The following MRO variants were observed in gnomAD, a reference collection of about 807,000 sequenced individuals.
The protein encoded by MRO is maestro, also known as protein maestro.
Under a neutral mutation model 31.0 loss-of-function variants are expected in MRO, and 28 were observed. The observed-to-expected ratio is 0.90, with a 90% CI of 0.67 to 1.24. The LOEUF is 1.24. Ranked by LOEUF, MRO falls within the 50% of genes most tolerant of loss-of-function variation. MRO has a pLI of 0.00. For missense variants in MRO, 332 were observed against 289.2 expected, an observed-to-expected ratio of 1.15 and a Z score of -1.07; for synonymous variants, 108 against 108.4, an observed-to-expected ratio of 1.00 and a Z score of 0.02.
At chr18:50,811,899 G>T (rs1914509778) in intron 2 of MRO, among the ~76,000 whole-genome samples, 1 of 151,884 alleles carries the variant, frequency 6.6e-6, no homozygotes, top group Non-Finnish European at 1.5e-5. Context: ...ACGCCACCAT[G>T]CCTGGATAAT....
intron 7 of MRO, 104 bp from the exon 8 acceptor site, chr18:50,799,494 G>A (rs1913085007): frequency 1.1e-6 from 1 of 941,046 alleles, no homozygotes; most frequent in African/African-American, 1.6e-5. Flanking sequence ...GGATAAGCAG[G>A]AGAGGTGGAG....
At chr18:50,811,430 T>C (rs796788657) in intron 2 of MRO, among the ~76,000 whole-genome samples, 114 of 152,356 alleles carry the variant, frequency 7.5e-4, no homozygotes, top group African/African-American at 2.6e-3. Flanking sequence ...TTCTGAATAT[T>C]TCACATATAT....
chr18:50,816,769 C>A (rs1323367842), intron 2 of MRO, among the ~76,000 whole-genome samples: 1 of 152,120 alleles, frequency 6.6e-6, no homozygotes, highest in Non-Finnish European at 1.5e-5. Flanking sequence ...ATGAAAAAAT[C>A]TCAAATTTCA....
intron 2 of MRO, chr18:50,814,637 C>T (rs1914752997): frequency 4.7e-6 from 1 of 212,382 alleles, no homozygotes; most frequent in Non-Finnish European, 1.0e-5. Flanking sequence ...ACAGCTGTCT[C>T]TAGAGAGGGT....
intron 2 of MRO, among the ~76,000 whole-genome samples, chr18:50,817,363 A>G (rs1027144506): frequency 6.6e-6 from 1 of 152,074 alleles, no homozygotes. Flanking sequence ...AGGTGGGTGC[A>G]GTGGCTCACA....
At chr18:50,818,443 C>T (rs59020990) in intron 2 of MRO, among the ~76,000 whole-genome samples, 308 of 152,278 alleles carry the variant, frequency 2.0e-3, no homozygotes, top group African/African-American at 7.3e-3. Flanking sequence ...TTGGTTTTCA[C>T]GAACCCCAAG....
chr18:50,809,898 A>C (rs1469151967), intron 2 of MRO, among the ~76,000 whole-genome samples: 2 of 152,226 alleles, frequency 1.3e-5, no homozygotes, highest in Admixed American at 6.5e-5. Flanking sequence ...AGATATACAC[A>C]AAGGATAGCC....
intron 5 of MRO, among the ~76,000 whole-genome samples, chr18:50,804,504 T>TAGTCCC (rs1913714575): frequency 6.6e-6 from 1 of 152,060 alleles, no homozygotes; most frequent in Non-Finnish European, 1.5e-5. Context: ...CATGTGCCTA[T>TAGTCCC]AGTCCCAGCT....
chr18:50,819,190 C>A (rs1411780912), intron 2 of MRO, among the ~76,000 whole-genome samples: 1 of 152,152 alleles, frequency 6.6e-6, no homozygotes, highest in East Asian at 1.9e-4. Context: ...TGAAAGATAT[C>A]CTTTCAGTCA....
chr18:50,817,864 T>A (rs1915057206), intron 2 of MRO, among the ~76,000 whole-genome samples: 1 of 152,146 alleles, frequency 6.6e-6, no homozygotes, highest in Admixed American at 6.5e-5. Context: ...TTATGCAACT[T>A]TTCTAGGATG....
upstream of MRO, among the ~76,000 whole-genome samples, chr18:50,820,934 A>T (rs1225532179): frequency 6.6e-6 from 1 of 152,212 alleles, no homozygotes; most frequent in East Asian, 1.9e-4. Flanking sequence ...AATAAGAAGA[A>T]TGAGGCTAAA....
At position 50,819,726 on chromosome 18, in the gene MRO, G is replaced by A. The variant is rs900014791; in HGVS notation, c.-126-24C>T. The A allele has an allele frequency of 1.9e-6, 3 of 1,547,912 alleles. No homozygotes were observed. The African/African-American group carries it at 4.1e-5, about 21-fold the overall frequency. ...TCCTAACATACAAGAAGGGAAATTA[G>A]GAGGTGACGCAGGGTCTGTCCAGGA... On this transcript the variant is annotated intron_variant, in intron 1 of 7. Coordinates refer to ENST00000398439, the MANE Select transcript of MRO (RefSeq NM_031939.6).
At chr18:50,813,274 T>A (rs1167767388) in intron 2 of MRO, among the ~76,000 whole-genome samples, 1 of 152,182 alleles carries the variant, frequency 6.6e-6, no homozygotes, top group Non-Finnish European at 1.5e-5. Context: ...ACAGGAATCT[T>A]CTCACCACTG....
upstream of MRO, among the ~76,000 whole-genome samples, chr18:50,822,253 G>A (rs1312988721): frequency 4.1e-5 from 3 of 73,324 alleles, no homozygotes; most frequent in Admixed American, 2.5e-4. Context: ...AGGGCAACAG[G>A]CAAAGCTAAA....
At chr18:50,803,384 G>A (rs57019075) in intron 5 of MRO, among the ~76,000 whole-genome samples, 45,842 of 151,710 alleles carry the variant, frequency 0.3, 7,190 homozygotes, top group Middle Eastern at 0.36. Context: ...GCATGCACTT[G>A]TGGTCCCAGC....
At chr18:50,813,989 AT>A (rs1469833089) in intron 2 of MRO, among the ~76,000 whole-genome samples, 2 of 152,146 alleles carry the variant, frequency 1.3e-5, no homozygotes, top group Non-Finnish European at 2.9e-5. Flanking sequence ...TGAAACTAAA[AT>A]AAAATTTAAA....
At chr18:50,806,952 C>A in intron 3 of MRO, 102 bp from the exon 4 acceptor site, 2 of 1,166,672 alleles carry the variant, frequency 1.7e-6, no homozygotes, top group Non-Finnish European at 1.2e-6. Flanking sequence ...ATTGCCTGCT[C>A]AATTTTACCC....
At chr18:50,806,559 C>G (rs1032828483) in intron 4 of MRO, 145 bp downstream of exon 4, 4 of 973,504 alleles carry the variant, frequency 4.1e-6, no homozygotes, top group Non-Finnish European at 6.1e-6. Flanking sequence ...ACACGTGTTG[C>G]TGTAAGCTGC....
chr18:50,819,571 T>C lies in MRO; in HGVS notation c.-5+10A>G, dbSNP rs1421879031. ...TGCATCTGGCTGCCCCGGCCAACAG[T>C]GTCCCTTACCTGCGGCTCCTGCAGG... On this transcript the variant is annotated intron_variant, in intron 2 of 7. Coordinates refer to ENST00000398439, the MANE Select transcript of MRO (RefSeq NM_031939.6). The C allele has an allele frequency of 5.8e-6, 9 of 1,551,416 alleles. No homozygotes were observed. Among genetic ancestry groups the C allele is most frequent in the Non-Finnish European group, 7.8e-6 (9 of 1,146,940 alleles).
Sources: allele counts gnomAD v4.1 joint callset (sites outside exome capture counted in the v4.1 genomes callset), GRCh38; gene constraint gnomAD v4.1.1; transcripts MANE v1.5; gene names NCBI Gene and HGNC (gene_info 2026-07-23, HGNC 2026-07-21).